GABRB1: variants seen among roughly 807,000 people sequenced by gnomAD.
GABRB1 encodes the protein gamma-aminobutyric acid type A receptor subunit beta1, also known as gamma-aminobutyric acid receptor subunit beta-1.
Under a neutral mutation model 51.6 loss-of-function variants are expected in GABRB1, and 17 were observed. That is an observed-to-expected ratio of 0.33 (90% CI 0.23 to 0.49). The LOEUF is 0.49. Ranked by LOEUF, GABRB1 falls within the 20% of genes least tolerant of loss-of-function variation. The pLI, the probability that GABRB1 is intolerant of heterozygous loss-of-function variation, is 0.99. For missense variants in GABRB1, 410 were observed against 600.6 expected, an observed-to-expected ratio of 0.68 and a Z score of 3.32; for synonymous variants, 247 against 218.9, an observed-to-expected ratio of 1.13 and a Z score of -1.14.
At chr4:47,162,493 T>G (rs1043257359) in intron 4 of GABRB1, among the ~76,000 whole-genome samples, 3 of 152,024 alleles carry the variant, frequency 2.0e-5, no homozygotes, top group African/African-American at 4.8e-5. Context: ...TGGTTTACAT[T>G]GTCAGATTAC....
chr4:47,348,084 G>A (rs1726170568), intron 5 of GABRB1, among the ~76,000 whole-genome samples: 1 of 152,116 alleles, frequency 6.6e-6, no homozygotes, highest in Admixed American at 6.6e-5. Flanking sequence ...CTTTCTTCTT[G>A]TATTTCTCCT....
intron 5 of GABRB1, among the ~76,000 whole-genome samples, chr4:47,343,824 C>T (rs1443913832): frequency 1.3e-5 from 2 of 152,210 alleles, no homozygotes; most frequent in Non-Finnish European, 2.9e-5. Context: ...CTCACAACCT[C>T]TCTATGAAGT....
chr4:47,302,600 T>A, intron 4 of GABRB1, among the ~76,000 whole-genome samples: 1 of 151,996 alleles, frequency 6.6e-6, no homozygotes, highest in East Asian at 1.9e-4. Flanking sequence ...AGGCTTTATG[T>A]GTTTATTGTA....
At chr4:47,232,999 G>A (rs1041508665) in intron 4 of GABRB1, among the ~76,000 whole-genome samples, 11 of 151,388 alleles carry the variant, frequency 7.3e-5, no homozygotes, top group East Asian at 2.0e-4. Context: ...CTCAGCCTCC[G>A]GAGTAGCTGG....
chr4:47,008,853 C>CTTTT lies in GABRB1; in HGVS notation c.-20+14953_-20+14956dup, dbSNP rs1491180948. The stretch of plus-strand genomic sequence containing the variant: ...ACCCTGTCACGCTATCAGATACTAC[C>CTTTT]TTTTTTTTTTTTTTTTTTTTTTTTT... On this transcript the variant is annotated intron_variant, in intron 1 of 3. Transcript: ENST00000513567. Among the ~76,000 whole-genome samples, 2 of 80,066 alleles carry CTTTT rather than the reference C, an allele frequency of 2.5e-5. 1 individual carries two copies. The highest frequency in any genetic ancestry group is 1.1e-4 in the African/African-American group (2 of 18,984). 52.5% of individuals were successfully genotyped at this position (80,066 alleles called of 152,430 possible). A position where few individuals can be genotyped will look rare whatever the true frequency, so the allele number is the denominator to read the frequency against.
intron 5 of GABRB1, among the ~76,000 whole-genome samples, chr4:47,380,889 G>T (rs1227147369): frequency 6.6e-6 from 1 of 152,086 alleles, no homozygotes; most frequent in East Asian, 1.9e-4. Flanking sequence ...TGGTTTTTAT[G>T]ATTTTATTTT....
rs3138735 is a variant in GABRB1 at position 47,425,480 on chromosome 4, TGATAGATAGATAGATA to T, written c.1081-170_1081-155del. ...AGCTAGCAAGGTGGATGGATGATGA[TGATAGATAGATAGATA>T]GATAGATAGATAGATAGATAGATCG... On this transcript the variant is annotated intron_variant, in intron 8 of 8. Transcript: ENST00000295454. Among the ~76,000 whole-genome samples, 9 of 142,434 alleles carry T rather than the reference TGATAGATAGATAGATA, an allele frequency of 6.3e-5. No individual in the cohort carries two copies. The South Asian group carries it at 1.7e-3, about 26-fold the overall frequency. 93.4% of individuals were successfully genotyped at this position (142,434 alleles called of 152,430 possible). A position where few individuals can be genotyped will look rare whatever the true frequency, so the allele number is the denominator to read the frequency against.
intron 4 of GABRB1, among the ~76,000 whole-genome samples, chr4:47,312,566 T>C (rs1220711406): frequency 6.6e-6 from 1 of 152,224 alleles, no homozygotes; most frequent in Non-Finnish European, 1.5e-5. Flanking sequence ...TATTGAGTGA[T>C]ACTGATATCA....
At chr4:47,320,980 A>T (rs762319269) in intron 5 of GABRB1, among the ~76,000 whole-genome samples, 3 of 152,126 alleles carry the variant, frequency 2.0e-5, no homozygotes, top group Non-Finnish European at 2.9e-5. Context: ...CTTGTTAGCC[A>T]GGATGGCGCT....
chr4:47,301,696 C>G (rs1461677825), intron 4 of GABRB1, among the ~76,000 whole-genome samples: 1 of 151,582 alleles, frequency 6.6e-6, no homozygotes, highest in Non-Finnish European at 1.5e-5. Flanking sequence ...GATGCTACAG[C>G]TCATTCAAAG....
chr4:47,343,271 T>C (rs1389761776), intron 5 of GABRB1, among the ~76,000 whole-genome samples: 1 of 152,056 alleles, frequency 6.6e-6, no homozygotes, highest in Admixed American at 6.6e-5. Flanking sequence ...AAGTGAGGAA[T>C]TTTTAAACGA....
intron 3 of GABRB1, among the ~76,000 whole-genome samples, chr4:47,099,844 A>G (rs1347997012): frequency 1.3e-5 from 2 of 148,824 alleles, no homozygotes; most frequent in African/African-American, 5.0e-5. Context: ...AAAAAAAAAC[A>G]ACCAAACACT....
At chr4:47,090,811 A>T (rs1728260046) in intron 3 of GABRB1, among the ~76,000 whole-genome samples, 1 of 150,856 alleles carries the variant, frequency 6.6e-6, no homozygotes, top group Non-Finnish European at 1.5e-5. Flanking sequence ...ATGCAATTTG[A>T]GGCCTACATG....
chr4:47,309,614 A>G (rs1021660126), intron 4 of GABRB1, among the ~76,000 whole-genome samples: 2 of 152,138 alleles, frequency 1.3e-5, no homozygotes, highest in African/African-American at 4.8e-5. Context: ...TAAGTAAGTC[A>G]CAGGGTATAG....
intron 4 of GABRB1, among the ~76,000 whole-genome samples, chr4:47,194,109 C>T (rs756220218): frequency 6.6e-6 from 1 of 152,252 alleles, no homozygotes; most frequent in African/African-American, 2.4e-5. Context: ...ACTCTCATCT[C>T]GAGTTCATTA....
chr4:47,180,356 T>C (rs1718893580), intron 4 of GABRB1, among the ~76,000 whole-genome samples: 1 of 152,018 alleles, frequency 6.6e-6, no homozygotes. Flanking sequence ...AGGCAACACA[T>C]TAAAATGTTA....
At chr4:47,309,368 G>A (rs1005462067) in intron 4 of GABRB1, among the ~76,000 whole-genome samples, 3 of 151,864 alleles carry the variant, frequency 2.0e-5, no homozygotes, top group Admixed American at 2.0e-4. Flanking sequence ...GAATAATAAT[G>A]GGCCCATTTA....
chr4:47,036,588 A>G (rs12507012), intron 3 of GABRB1, among the ~76,000 whole-genome samples: 131,975 of 152,154 alleles, frequency 0.87, 57,678 homozygotes, highest in South Asian at 0.92. Flanking sequence ...TTGGCTGGGT[A>G]CAGTGGCCCC....
intron 5 of GABRB1, among the ~76,000 whole-genome samples, chr4:47,339,854 CA>C (rs1425832064): frequency 7.9e-5 from 12 of 151,768 alleles, no homozygotes; most frequent in South Asian, 6.3e-4. Context: ...CACACACACA[CA>C]CCCCACTTTG....
Sources: allele counts gnomAD v4.1 joint callset (sites outside exome capture counted in the v4.1 genomes callset), GRCh38; gene constraint gnomAD v4.1.1; transcripts MANE v1.5; gene names NCBI Gene and HGNC (gene_info 2026-07-23, HGNC 2026-07-21).